The following EGFL6 variants were observed in gnomAD, a reference collection of about 807,000 sequenced individuals.
EGFL6 encodes epidermal growth factor-like protein 6.
A neutral mutation model predicts 43.1 loss-of-function variants in EGFL6; 42 were observed. The ratio of observed to expected loss-of-function variants is 0.98; its 90% CI spans 0.76 to 1.26. The LOEUF (loss-of-function observed/expected upper bound fraction) is 1.26. Ranked by LOEUF, EGFL6 falls within the 50% of genes most tolerant of loss-of-function variation. The probability of loss-of-function intolerance (pLI) is 0.00; values close to 1 mark genes in which losing one functional copy is unlikely to be tolerated. For synonymous variants in EGFL6, 164 were observed against 163.2 expected (o/e 1.01, Z -0.04); for missense variants, 429 against 427.8 (o/e 1.00, Z -0.02).
chrX:13,628,261 T>A (rs1257066876), intron 11 of EGFL6, among the ~76,000 whole-genome samples: 1 of 111,102 alleles, frequency 9.0e-6, no homozygotes, highest in African/African-American at 3.3e-5. Context: ...TGAGTTAATC[T>A]TTTATTGCAC....
Position 13,623,901 on chromosome X carries a change from T to A in EGFL6, c.1261T>A (p.Trp421Arg). 2.5e-6 allele frequency: 3 copies of A among 1,203,422 alleles called. No homozygotes were observed. Among genetic ancestry groups the A allele is most frequent in the Non-Finnish European group, 3.4e-6 (3 of 887,870 alleles). The change falls in exon 10 of 12, where the codon TGG becomes AGG. Residue 421 changes from tryptophan (W) to arginine (R), a missense_variant. Trp to Arg is a moderately radical substitution (Grantham distance 101, BLOSUM62 -3). Coordinates refer to ENST00000361306, the MANE Select transcript of EGFL6 (RefSeq NM_015507.4). ...ACAGGATAGAGAAGATGATTTTGAC[T>A]GGAATCCTGCTGATCGAGATAATGG... ...WKQDREDDFD[W>R]NPADRDNAIG...
chrX:13,576,477 C>A (rs187433247), intron 1 of EGFL6, among the ~76,000 whole-genome samples: 4,871 of 111,570 alleles, frequency 0.044, 261 homozygotes, highest in African/African-American at 0.15. Context: ...ATCTGTATCA[C>A]CAGCCAATAA....
intron 8 of EGFL6, among the ~76,000 whole-genome samples, chrX:13,618,793 T>A (rs1236957971): frequency 9.0e-6 from 1 of 111,029 alleles, no homozygotes; most frequent in Non-Finnish European, 1.9e-5. Context: ...CCAGATGGAT[T>A]TAACCAAAGG....
intron 2 of EGFL6, 102 bp from the exon 3 acceptor site, chrX:13,594,734 C>A: frequency 1.6e-6 from 1 of 643,610 alleles, no homozygotes; most frequent in Non-Finnish European, 2.4e-6. Flanking sequence ...TCTGTATGTC[C>A]CCATGGAGTT....
chrX:13,605,662 A>G (rs2045656468), intron 5 of EGFL6, among the ~76,000 whole-genome samples: 1 of 111,987 alleles, frequency 8.9e-6, no homozygotes, highest in Admixed American at 9.5e-5. Context: ...AGAAGAACAA[A>G]CTAACATCTA....
chrX:13,633,421 A>C lies in EGFL6; in HGVS notation c.*326A>C. ...TACAACATTTCTAGAAAATAGAAAAAAAAGCACAGAGAAATGTTTAACTGT... is the reference window on the plus strand; with the variant it reads ...TACAACATTTCTAGAAAATAGAAAACAAAGCACAGAGAAATGTTTAACTGT... On this transcript the variant is annotated 3_prime_UTR_variant, in exon 12 of 12. Coordinates refer to ENST00000361306, the MANE Select transcript of EGFL6 (RefSeq NM_015507.4). 1 of 145,959 alleles carries C rather than the reference A, an allele frequency of 6.9e-6. No individual in the cohort carries two copies. Among genetic ancestry groups the C allele is most frequent in the Non-Finnish European group, 1.3e-5 (1 of 75,667 alleles). The allele number at this position is 145,959 out of a possible 1,213,427, so 12.0% of individuals were successfully genotyped here.
At chrX:13,584,819 T>A (rs939240459) in intron 1 of EGFL6, among the ~76,000 whole-genome samples, 7 of 111,620 alleles carry the variant, frequency 6.3e-5, no homozygotes, top group Non-Finnish European at 1.3e-4. Context: ...CAATAAATAC[T>A]TGTTGAATGA....
rs766570520 is a variant in EGFL6, at chrX:13,594,909, C to T, written c.261C>T (p.Thr87=). The change falls in exon 3 of 12, where the codon ACC becomes ACT. Residue 87 remains threonine, a synonymous_variant. Coordinates refer to ENST00000361306, the MANE Select transcript of EGFL6 (RefSeq NM_015507.4). ...PNKCRCFPGY[T]GKTCSQDVNE... is the part of the protein sequence containing the mutation. ...AATGCAGATGCTTTCCAGGATACAC[C>T]GGGAAAACCTGCAGTCAAGGTCAGT... 48 of 1,206,463 alleles carry T rather than the reference C, an allele frequency of 4.0e-5. No homozygotes were observed. Among genetic ancestry groups the T allele is most frequent in the Middle Eastern group, 4.6e-4 (2 of 4,362 alleles).
chrX:13,590,953 C>A (rs749070612), intron 2 of EGFL6, among the ~76,000 whole-genome samples: 26 of 111,702 alleles, frequency 2.3e-4, no homozygotes, highest in African/African-American at 8.5e-4. Context: ...CGTGGGTGAC[C>A]TTGGGCAAGC....
At chrX:13,577,298 TTATATATATA>T (rs1199851773) in intron 1 of EGFL6, among the ~76,000 whole-genome samples, 84 of 24,442 alleles carry the variant, frequency 3.4e-3, no homozygotes, top group South Asian at 4.4e-3. Context: ...TATATGAATT[TTATATATATA>T]TATATATATA....
chrX:13,597,519 C>G (rs1055879437), intron 3 of EGFL6, among the ~76,000 whole-genome samples: 1 of 112,126 alleles, frequency 8.9e-6, no homozygotes, highest in African/African-American at 3.2e-5. Context: ...CACAGTGGCT[C>G]ACACCTGTAA....
At chrX:13,600,337 A>AGT (rs2045626986) in intron 4 of EGFL6, among the ~76,000 whole-genome samples, 1 of 79,187 alleles carries the variant, frequency 1.3e-5, no homozygotes, top group African/African-American at 5.3e-5. Context: ...CCCAGGCTGG[A>AGT]GTGCAGTGGT....
At chrX:13,623,946 C>T (rs1265783303) in intron 10 of EGFL6, 21 bp downstream of exon 10, 28 of 1,108,334 alleles carry the variant, frequency 2.5e-5, no homozygotes, top group Non-Finnish European at 3.5e-5. Context: ...TTGACAGTTT[C>T]ATGTTCTGCA....
chrX:13,596,114 C>G (rs1166355277), intron 3 of EGFL6: 1 of 112,244 alleles, frequency 8.9e-6, no homozygotes, highest in Non-Finnish European at 1.9e-5. Context: ...TGGTTCTCAA[C>G]CTGGGTAATT....
At chrX:13,591,533 T>A (rs2045562891) in intron 2 of EGFL6, among the ~76,000 whole-genome samples, 1 of 112,114 alleles carries the variant, frequency 8.9e-6, no homozygotes, top group Admixed American at 9.4e-5. Context: ...ATTTGCATGG[T>A]CCTTCTTGAT....
intron 1 of EGFL6, among the ~76,000 whole-genome samples, chrX:13,576,059 G>A (rs755158705): frequency 2.7e-5 from 3 of 111,844 alleles, no homozygotes; most frequent in Admixed American, 9.5e-5. Context: ...AATTCCAGCC[G>A]TGTTGGGCCG....
At chrX:13,617,309 G>A (rs777281417) in intron 7 of EGFL6, among the ~76,000 whole-genome samples, 8 of 111,954 alleles carry the variant, frequency 7.1e-5, no homozygotes, top group African/African-American at 1.9e-4. Context: ...AATTTATATG[G>A]TTCAACCTAA....
At chrX:13,603,135 C>A (rs2045642460) in intron 4 of EGFL6, among the ~76,000 whole-genome samples, 182 bp from the exon 5 acceptor site, 1 of 111,820 alleles carries the variant, frequency 8.9e-6, no homozygotes, top group South Asian at 3.8e-4. Flanking sequence ...AGTCCCAGGG[C>A]CACCAAGATG....
At chrX:13,611,059 C>A (rs1427380986) in intron 7 of EGFL6, among the ~76,000 whole-genome samples, 1 of 111,264 alleles carries the variant, frequency 9.0e-6, no homozygotes, top group African/African-American at 3.3e-5. Flanking sequence ...ACCTGTCCAT[C>A]TAAGCACCAT....
Sources: gnomAD v4.1 joint callset for allele counts (sites outside exome capture counted in the v4.1 genomes callset) on GRCh38, gnomAD v4.1.1 for gene constraint, MANE v1.5 for transcripts, NCBI Gene and HGNC (gene_info 2026-07-23, HGNC 2026-07-21) for gene names.